Variants in RIN1 observed in about 807,000 individuals in gnomAD.
RIN1 encodes the protein Ras and Rab interactor 1.
RIN1 carries 52 observed loss-of-function variants against 64.9 expected under a neutral mutation model. The ratio of observed to expected loss-of-function variants is 0.80; its 90% CI spans 0.64 to 1.01. RIN1 has a LOEUF of 1.01. RIN1 is among the 50% of genes least tolerant of loss of function. The pLI is 0.00. For synonymous variants in RIN1, 486 were observed against 483.6 expected (o/e 1.00, Z -0.06); for missense variants, 1,040 against 1,064.5 (o/e 0.98, Z 0.32).
At chr11:66,336,241 T>C (rs970509056) in intron 1 of RIN1, 76 bp downstream of exon 1, 1 of 1,515,814 alleles carries the variant, frequency 6.6e-7, no homozygotes, top group Non-Finnish European at 8.9e-7. Context: ...GGTTTCCCAC[T>C]TTCTCTATCC....
rs771727503 is a variant in RIN1 at position 66,335,633 on chromosome 11, G to A, written c.432C>T (p.Leu144=). The stretch of plus-strand genomic sequence containing the variant: ...ACCGGGTGTGGCAGTAGGCACAGAT[G>A]AGCTGGACTAGGTCTGGGAACATGA... ...SELMFPDLVQ[L]ICAYCHTRDI... The change falls in exon 4 of 10, where the codon CTC becomes CTT. Residue 144 remains leucine (L), a synonymous_variant. Coordinates refer to ENST00000311320, the MANE Select transcript of RIN1 (RefSeq NM_004292.3). 31 of 1,613,632 alleles carry A rather than the reference G, an allele frequency of 1.9e-5. No individual in the cohort carries two copies. The highest frequency in any genetic ancestry group is 2.6e-5 in the Non-Finnish European group (31 of 1,179,874).
At position 66,334,101 on chromosome 11, in the gene RIN1, C is replaced by A; in HGVS notation, c.1409G>T (p.Arg470Leu). Residue 470 changes from arginine (R) to leucine (L), a missense_variant, in exon 7 of 10, where the codon CGC (arginine) becomes CTC (leucine). By Grantham distance (102) the Arg-to-Leu change is moderately radical. Transcript: ENST00000311320. ...GSLGRLAEGL[R>L]LARAQGPGAF... ...TCCGGGGCCCTGGGCCCGGGCCAGG[C>A]GGAGGCCCTCAGCTAGGCGGCCCAG... 6.4e-7 allele frequency: 1 copy of A among 1,557,856 alleles called. No individual in the cohort carries two copies. The highest frequency in any genetic ancestry group is 2.4e-5 in the East Asian group (1 of 42,226).
At chr11:66,336,576 G>T (rs1854911476), upstream of RIN1, 4 of 619,942 alleles carry the variant, frequency 6.5e-6, no homozygotes, top group East Asian at 1.1e-4. Context: ...CCTGCTTTGG[G>T]GGTCAGGGGT....
intron 4 of RIN1, 48 bp from the exon 5 acceptor site, chr11:66,335,546 G>C: frequency 6.2e-7 from 1 of 1,612,906 alleles, no homozygotes; most frequent in Non-Finnish European, 8.5e-7. Context: ...GAAGAGGGCG[G>C]GAAGGATGGG....
At chr11:66,334,267 T>TG (rs758310543) in intron 6 of RIN1, 43 bp from the exon 7 acceptor site, 2 of 282,076 alleles carry the variant, frequency 7.1e-6, no homozygotes, top group Admixed American at 1.2e-4. Flanking sequence ...ACTGGGGGTA[T>TG]GGGGGGCAGA....
chr11:66,335,393 C>G lies in RIN1; in HGVS notation c.547+14G>C. On this transcript the variant is annotated intron_variant, in intron 5 of 9. Transcript: ENST00000311320. The stretch of plus-strand genomic sequence containing the variant: ...GCTTGTTCATCTGTGCAATGGGTGG[C>G]AGGAAGCCCTTACCAATGCCCAGAT... 6.3e-7 allele frequency: 1 copy of G among 1,597,384 alleles called. No individual in the cohort carries two copies. The highest frequency in any genetic ancestry group is 8.6e-7 in the Non-Finnish European group (1 of 1,169,332).
At position 66,334,990 on chromosome 11, in the gene RIN1, A is replaced by C; in HGVS notation, c.809T>G (p.Leu270Arg). ...TGTCTGGCTGGGGACTGCCCCTGGC[A>C]GCACGGGGACGGGGGGAGGTGGCAC... ...PAVPPPPVPV[L>R]PGAVPSQTER... Residue 270 changes from leucine (L) to arginine (R), a missense_variant, in exon 6 of 10, where the codon CTG (leucine) becomes CGG (arginine). Physicochemically the swap from Leu to Arg is moderately radical, Grantham distance 102. Coordinates refer to ENST00000311320, the MANE Select transcript of RIN1 (RefSeq NM_004292.3). The C allele has an allele frequency of 6.4e-7, 1 of 1,553,278 alleles. No individual in the cohort carries two copies. The highest frequency in any genetic ancestry group is 8.7e-7 in the Non-Finnish European group (1 of 1,150,962).
chr11:66,333,470 C>T (rs1590917848), intron 8 of RIN1, 57 bp downstream of exon 8: 1 of 1,608,122 alleles, frequency 6.2e-7, no homozygotes, highest in Non-Finnish European at 8.5e-7. Flanking sequence ...ATCCCCTCTC[C>T]CCTTCCCTGC....
rs866964702 is a variant in RIN1 at position 66,334,865 on chromosome 11, G to A, written c.934C>T (p.Gln312Ter). Reference protein sequence around the residue: ...GPSLPPMPSLQEVDCGSPSSS... With the variant: ...GPSLPPMPSL The stretch of plus-strand genomic sequence containing the variant: ...CTGGGGGAGCCGCAGTCCACCTCTT[G>A]GAGGGAGGGCATAGGCGGAAGGCTA... The change falls in exon 6 of 10, where the codon CAA becomes TAA. Residue 312 changes from glutamine to a stop codon, truncating the protein, a stop_gained. Coordinates refer to ENST00000311320, the MANE Select transcript of RIN1 (RefSeq NM_004292.3). LOFTEE classifies it high-confidence loss of function. The A allele has an allele frequency of 7.7e-6, 12 of 1,562,240 alleles. No individual in the cohort carries two copies. The highest frequency in any genetic ancestry group is 1.0e-5 in the Non-Finnish European group (12 of 1,152,438).
Position 66,336,099 on chromosome 11 carries a change from G to A in RIN1, c.146C>T (p.Pro49Leu), listed in dbSNP as rs1854892901. The A allele has an allele frequency of 3.5e-6, 5 of 1,445,678 alleles. No homozygotes were observed. The highest frequency in any genetic ancestry group is 2.7e-5 in the Admixed American group (1 of 37,094). The allele number at this position is 1,445,678 out of a possible 1,614,324, so 89.6% of individuals were successfully genotyped here. The stretch of plus-strand genomic sequence containing the variant: ...GCTCACAACGCGCCCCGGCCGCTGC[G>A]GCCCGCCTGCCTGCCCGCCGCTGGC... Reference protein sequence around the residue: ...PNASGGQAGGPQRPGRVVSLR... With the variant: ...PNASGGQAGGLQRPGRVVSLR... The change falls in exon 2 of 10, where the codon CCG (proline) becomes CTG (leucine). Residue 49 changes from proline to leucine, a missense_variant. By Grantham distance (98) the Pro-to-Leu change is moderately conservative. Coordinates refer to ENST00000311320, the MANE Select transcript of RIN1 (RefSeq NM_004292.3).
chr11:66,334,745 C>T lies in RIN1; in HGVS notation c.1054G>A (p.Ala352Thr), dbSNP rs757128066. The T allele has an allele frequency of 3.0e-5, 47 of 1,549,330 alleles. No individual in the cohort carries two copies. Among genetic ancestry groups the T allele is most frequent in the Middle Eastern group, 4.5e-4 (2 of 4,482 alleles). ...RRRPLLRSMS[A>T]AFCSLLAPER... ...GGTGCCAGTAGGGAGCAGAAGGCGG[C>T]GCTCATGGACCGAAGCAGAGGTCGT... is the stretch of plus-strand genomic sequence containing the variant. Residue 352 changes from alanine to threonine, a missense_variant, in exon 6 of 10, where the codon GCC becomes ACC. Ala to Thr is a moderately conservative substitution (Grantham distance 58). Transcript: ENST00000311320.
chr11:66,336,610 G>A, upstream of RIN1: 1 of 536,390 alleles, frequency 1.9e-6, no homozygotes, highest in African/African-American at 1.9e-5. Flanking sequence ...GCCCTGCTCT[G>A]AGGGCCCCAG....
Position 66,335,694 on chromosome 11 carries a change from G to A in RIN1, c.383-12C>T. ...CTCCAAGGAGACGCCTGAGAGAGGA[G>A]GGAAGTGAGGTGCTTCTCTGGGGAA... On this transcript the variant is annotated splice_polypyrimidine_tract_variant and intron_variant, in intron 3 of 9. Coordinates refer to ENST00000311320, the MANE Select transcript of RIN1 (RefSeq NM_004292.3). The A allele has an allele frequency of 6.2e-7, 1 of 1,613,020 alleles. No individual in the cohort carries two copies. Among genetic ancestry groups the A allele is most frequent in the Non-Finnish European group, 8.5e-7 (1 of 1,179,590 alleles).
Position 66,335,121 on chromosome 11 carries a change from G to T in RIN1, c.678C>A (p.Asn226Lys). ...GCCCTAGGTCCCCCGGGAACAGGGG[G>T]TTGAAGAAGCACAAGGCGGCTCCGG... is the stretch of plus-strand genomic sequence containing the variant. ...QGTGAALCFF[N>K]PLFPGDLGPT... The change falls in exon 6 of 10, where the codon AAC (asparagine) becomes AAA (lysine). Residue 226 changes from asparagine (N) to lysine (K), a missense_variant. By Grantham distance (94) the Asn-to-Lys change is moderately conservative. Coordinates refer to ENST00000311320, the MANE Select transcript of RIN1 (RefSeq NM_004292.3). 1 of 1,539,122 alleles carries T rather than the reference G, an allele frequency of 6.5e-7. No individual in the cohort carries two copies. The highest frequency in any genetic ancestry group is 8.7e-7 in the Non-Finnish European group (1 of 1,146,190).
In RIN1 at chr11:66,331,766, G is replaced by A. The variant is rs1854738156; in HGVS notation, c.*510C>T. On this transcript the variant is annotated 3_prime_UTR_variant, in exon 10 of 10. Coordinates refer to ENST00000311320, the MANE Select transcript of RIN1 (RefSeq NM_004292.3). The stretch of plus-strand genomic sequence containing the variant: ...AGGCTTGCAGGTGCAGGTCCTTCTG[G>A]TGTCCAGGACAGGGGTGGGCCCCAA... 1 of 159,888 alleles carries A rather than the reference G, an allele frequency of 6.3e-6. No individual in the cohort carries two copies. The highest frequency in any genetic ancestry group is 1.9e-4 in the South Asian group (1 of 5,332). 9.9% of individuals were successfully genotyped at this position (159,888 alleles called of 1,614,324 possible).
At position 66,332,017 on chromosome 11, in the gene RIN1, GGCTGGCTCACCCTCA is replaced by G. The variant is rs557096309; in HGVS notation, c.*244_*258del. Reference sequence around the variant, plus strand: ...CCCCACTTGGCACACCCTCATTGCAGGCTGGCTCACCCTCAGCTGGGGGAGAAGAACAAGAGGCAA... The same window carrying G: ...CCCCACTTGGCACACCCTCATTGCAGGCTGGGGGAGAAGAACAAGAGGCAA... On this transcript the variant is annotated 3_prime_UTR_variant, in exon 10 of 10. Coordinates refer to ENST00000311320, the MANE Select transcript of RIN1 (RefSeq NM_004292.3). The G allele has an allele frequency of 2.5e-5, 14 of 550,598 alleles. No individual in the cohort carries two copies. The African/African-American group carries it at 2.6e-4, about 10-fold the overall frequency. The allele number at this position is 550,598 out of a possible 1,614,324, so 34.1% of individuals were successfully genotyped here. A position where few individuals can be genotyped will look rare whatever the true frequency, so the allele number is the denominator to read the frequency against.
rs1854768865 is a variant in RIN1 at position 66,332,756 on chromosome 11, T to C, written c.1876-4A>G. Reference sequence around the variant, plus strand: ...GATAGGCTACTCGGAGGAGGTGCTATGCAGGAGGAGAAGCAAAAACAAGTA... The same window carrying C: ...GATAGGCTACTCGGAGGAGGTGCTACGCAGGAGGAGAAGCAAAAACAAGTA... On this transcript the variant is annotated splice_polypyrimidine_tract_variant and splice_region_variant and intron_variant, in intron 9 of 9. Transcript: ENST00000311320. 4 of 1,508,580 alleles carry C rather than the reference T, an allele frequency of 2.7e-6. No individual in the cohort carries two copies. In the East Asian group the frequency reaches 6.8e-5, roughly 26 times the overall value. 93.4% of individuals were successfully genotyped at this position (1,508,580 alleles called of 1,614,324 possible).
intron 7 of RIN1, 119 bp downstream of exon 7, chr11:66,333,800 G>T: frequency 7.1e-7 from 1 of 1,411,296 alleles, no homozygotes; most frequent in African/African-American, 1.4e-5. Context: ...ATCTGCAAGA[G>T]GGGAGGGTGG....
rs777849965 is a variant in RIN1 at position 66,334,503 on chromosome 11, C to CA, written c.1285+10_1285+11insT. On this transcript the variant is annotated intron_variant, in intron 6 of 9. Coordinates refer to ENST00000311320, the MANE Select transcript of RIN1 (RefSeq NM_004292.3). The stretch of plus-strand genomic sequence containing the variant: ...GGGCAGTGCTGGAGCTATGGAGAGA[C>CA]GGAGCCTCACCCAGCCTCTTAGGCG... 65 of 1,594,252 alleles carry CA rather than the reference C, an allele frequency of 4.1e-5. No homozygotes were observed. The African/African-American group carries it at 8.6e-4, about 21-fold the overall frequency.
Sources: gnomAD v4.1 joint callset for allele counts on GRCh38, gnomAD v4.1.1 for gene constraint, MANE v1.5 for transcripts, NCBI Gene and HGNC (gene_info 2026-07-23, HGNC 2026-07-21) for gene names.